Variants in EEFSEC observed in about 807,000 individuals in gnomAD.
EEFSEC encodes the protein eukaryotic elongation factor, selenocysteine-tRNA specific.
In EEFSEC, 43 loss-of-function variants were observed where a neutral mutation model predicts 42.1. The ratio of observed to expected loss-of-function variants is 1.02; its 90% CI spans 0.80 to 1.32. The LOEUF is 1.32. Ranked by LOEUF, EEFSEC falls within the 40% of genes most tolerant of loss-of-function variation. The pLI is 0.00. For synonymous variants in EEFSEC, 354 were observed against 339.1 expected, an observed-to-expected ratio of 1.04 and a Z score of -0.48; for missense variants, 745 against 803.6, an observed-to-expected ratio of 0.93 and a Z score of 0.88.
chr3:128,364,717 C>T (rs1468632001), intron 6 of EEFSEC, among the ~76,000 whole-genome samples: 2 of 152,242 alleles, frequency 1.3e-5, no homozygotes, highest in African/African-American at 4.8e-5. Context: ...ACCTGACCCC[C>T]AGGCCCTGCA....
intron 4 of EEFSEC, among the ~76,000 whole-genome samples, chr3:128,297,613 C>T (rs1027349704): frequency 2.0e-5 from 3 of 152,182 alleles, no homozygotes; most frequent in African/African-American, 7.2e-5. Context: ...CTGCCTCATT[C>T]TCATGTCTCG....
intron 4 of EEFSEC, among the ~76,000 whole-genome samples, chr3:128,339,988 C>T (rs1020364649): frequency 2.6e-5 from 4 of 152,308 alleles, no homozygotes; most frequent in South Asian, 2.1e-4. Flanking sequence ...TTATCTCCCA[C>T]CAGGTCCCTC....
intron 4 of EEFSEC, 151 bp from the exon 5 acceptor site, chr3:128,341,082 A>G: frequency 1.1e-6 from 1 of 871,470 alleles, no homozygotes; most frequent in Non-Finnish European, 1.7e-6. Flanking sequence ...GGTCCAGAAG[A>G]GTGTGCCTGG....
At chr3:128,263,376 T>C (rs939477394) in intron 3 of EEFSEC, among the ~76,000 whole-genome samples, 1 of 152,264 alleles carries the variant, frequency 6.6e-6, no homozygotes, top group East Asian at 1.9e-4. Context: ...CAAGATGAGA[T>C]GTGACCACGT....
At chr3:128,333,698 A>G (rs2067158763) in intron 4 of EEFSEC, among the ~76,000 whole-genome samples, 1 of 152,130 alleles carries the variant, frequency 6.6e-6, no homozygotes, top group Non-Finnish European at 1.5e-5. Context: ...TTGAGTGCCT[A>G]CTATTTCATG....
intron 4 of EEFSEC, among the ~76,000 whole-genome samples, chr3:128,283,851 G>A (rs1405452369): frequency 6.6e-6 from 1 of 152,294 alleles, no homozygotes; most frequent in East Asian, 1.9e-4. Context: ...GGGGAACTGG[G>A]GGAAGCTAAA....
At chr3:128,213,872 C>A (rs982589079) in intron 1 of EEFSEC, among the ~76,000 whole-genome samples, 1 of 152,102 alleles carries the variant, frequency 6.6e-6, no homozygotes, top group Non-Finnish European at 1.5e-5. Flanking sequence ...CCAGGCAAGA[C>A]TCTCCAAGAA....
chr3:128,153,677 C>T lies in EEFSEC; in HGVS notation c.170C>T (p.Ser57Leu), dbSNP rs1291488037. ...ITLDLGFSCF[S>L]VPLPARLRSS... ...CTCGATCTGGGCTTCTCGTGCTTCT[C>T]GGTGCCGCTGCCCGCGCGCCTGCGG... is the stretch of plus-strand genomic sequence containing the variant. The change falls in exon 1 of 7, where the codon TCG becomes TTG. Residue 57 changes from serine (S) to leucine (L), a missense_variant. Physicochemically the swap from Ser to Leu is moderately radical, Grantham distance 145. Transcript: ENST00000254730. 1.9e-6 allele frequency: 3 copies of T among 1,595,334 alleles called. No homozygotes were observed. Among genetic ancestry groups the T allele is most frequent in the South Asian group, 1.1e-5 (1 of 89,984 alleles).
intron 4 of EEFSEC, among the ~76,000 whole-genome samples, chr3:128,300,784 C>T (rs146397865): frequency 2.0e-5 from 3 of 152,200 alleles, no homozygotes; most frequent in Admixed American, 2.0e-4. Flanking sequence ...CCTTTCAGTA[C>T]CTTTTTCCCA....
intron 4 of EEFSEC, among the ~76,000 whole-genome samples, chr3:128,325,229 TGA>T (rs2067051786): frequency 6.6e-6 from 1 of 152,228 alleles, no homozygotes; most frequent in South Asian, 2.1e-4. Flanking sequence ...ATCTCCCTGT[TGA>T]GCCTTGCTGA....
intron 4 of EEFSEC, among the ~76,000 whole-genome samples, chr3:128,320,448 A>G (rs954558662): frequency 3.3e-5 from 5 of 152,240 alleles, no homozygotes; most frequent in Admixed American, 1.3e-4. Flanking sequence ...GATTATCTCA[A>G]TGTAACCTCA....
intron 1 of EEFSEC, among the ~76,000 whole-genome samples, chr3:128,231,976 T>C (rs1021178165): frequency 6.6e-6 from 1 of 152,188 alleles, no homozygotes; most frequent in African/African-American, 2.4e-5. Context: ...GTTTTCTTTG[T>C]AATTCACATT....
At chr3:128,304,000 T>C (rs941128516) in intron 4 of EEFSEC, among the ~76,000 whole-genome samples, 4 of 152,108 alleles carry the variant, frequency 2.6e-5, no homozygotes, top group African/African-American at 9.7e-5. Flanking sequence ...TTTTTATTGT[T>C]GTCTTATTGA....
chr3:128,322,787 G>A (rs191519140), intron 4 of EEFSEC, among the ~76,000 whole-genome samples: 1 of 152,188 alleles, frequency 6.6e-6, no homozygotes, highest in Non-Finnish European at 1.5e-5. Context: ...GAGAGCTGGG[G>A]TCTGCAGCCC....
At chr3:128,309,254 C>T (rs1163620538) in intron 4 of EEFSEC, among the ~76,000 whole-genome samples, 1 of 152,124 alleles carries the variant, frequency 6.6e-6, no homozygotes, top group African/African-American at 2.4e-5. Context: ...GAACAGCTGT[C>T]AGCACCTGGT....
At position 128,264,748 on chromosome 3, in the gene EEFSEC, C is replaced by A; in HGVS notation, c.753C>A (p.Ser251Arg). ...GGACCATCCTTTCAGGCTCCATCAGCCTCGGTGACAGTGTGGAGATCCCTG... is the reference window on the plus strand; with the variant it reads ...GGACCATCCTTTCAGGCTCCATCAGACTCGGTGACAGTGTGGAGATCCCTG... ...MTGTILSGSI[S>R]LGDSVEIPAL... The change falls in exon 4 of 7, where the codon AGC becomes AGA. Residue 251 changes from serine to arginine, a missense_variant. Transcript: ENST00000254730. 1 of 1,614,120 alleles carries A rather than the reference C, an allele frequency of 6.2e-7. No individual in the cohort carries two copies. The highest frequency in any genetic ancestry group is 8.5e-7 in the Non-Finnish European group (1 of 1,179,988).
chr3:128,357,157 G>A (rs2067464583), intron 5 of EEFSEC, among the ~76,000 whole-genome samples: 1 of 152,226 alleles, frequency 6.6e-6, no homozygotes, highest in Non-Finnish European at 1.5e-5. Context: ...CAGGGGTGGG[G>A]TGAGGAGCTG....
chr3:128,329,025 G>C lies in EEFSEC; in HGVS notation c.787-12208G>C, dbSNP rs74920528. 1.6e-3 allele frequency among the ~76,000 whole-genome samples: 245 copies of C among 152,204 alleles called. 9 individuals carry two copies. In the East Asian group the frequency reaches 0.046, roughly 29 times the overall value. ...GTCCCAGTGTGATCCTTGGCACCCC[G>C]CCTCTCACCCTCCTTGCTCACTGTC... On this transcript the variant is annotated intron_variant, in intron 4 of 6. Coordinates refer to ENST00000254730, the MANE Select transcript of EEFSEC (RefSeq NM_021937.5).
intron 6 of EEFSEC, among the ~76,000 whole-genome samples, chr3:128,383,873 G>C (rs1297908612): frequency 1.3e-5 from 2 of 152,208 alleles, no homozygotes; most frequent in Non-Finnish European, 2.9e-5. Flanking sequence ...GTGTGCCCAG[G>C]GCCCAGCACA....
Sources: allele counts gnomAD v4.1 joint callset (sites outside exome capture counted in the v4.1 genomes callset), GRCh38; gene constraint gnomAD v4.1.1; transcripts MANE v1.5; gene names NCBI Gene and HGNC (gene_info 2026-07-23, HGNC 2026-07-21).